CTNNA1: variants seen among roughly 807,000 people sequenced by gnomAD.
The protein encoded by CTNNA1 is catenin alpha-1.
Under a neutral mutation model 98.4 loss-of-function variants are expected in CTNNA1, and 37 were observed. That is an observed-to-expected ratio of 0.38 (90% CI 0.29 to 0.49). The LOEUF is 0.49. Ranked by LOEUF, CTNNA1 falls within the 20% of genes least tolerant of loss-of-function variation. CTNNA1 has a pLI of 0.95. For synonymous variants in CTNNA1, 404 were observed against 413.2 expected, an observed-to-expected ratio of 0.98 and a Z score of 0.27; for missense variants, 761 against 1,147.2, an observed-to-expected ratio of 0.66 and a Z score of 4.86.
chr5:138,803,234 A>C (rs924394559), intron 3 of CTNNA1, among the ~76,000 whole-genome samples: 2 of 151,610 alleles, frequency 1.3e-5, no homozygotes, highest in South Asian at 4.2e-4. Context: ...GCTCACTGCA[A>C]CCTTGGCTTC....
At chr5:138,844,295 C>T (rs1340407904) in intron 7 of CTNNA1, among the ~76,000 whole-genome samples, 2 of 152,078 alleles carry the variant, frequency 1.3e-5, no homozygotes, top group Non-Finnish European at 2.9e-5. Context: ...CGCACCTGGC[C>T]CCAGAGTCAT....
rs540657337 is a variant in CTNNA1 at position 138,768,991 on chromosome 5, C to A, written c.-2-12932C>A. Among the ~76,000 whole-genome samples the A allele has an allele frequency of 2.6e-5, 4 of 152,256 alleles. No individual in the cohort carries two copies. The East Asian group carries it at 5.8e-4, about 22-fold the overall frequency. ...TCGTCAGTCATTGATGAATGAATGA[C>A]TGAATAGGTCATCCAGGATATATAC... On this transcript the variant is annotated intron_variant, in intron 1 of 17. Transcript: ENST00000302763.
intron 7 of CTNNA1, among the ~76,000 whole-genome samples, chr5:138,862,289 C>CA (rs920538909): frequency 2.6e-5 from 4 of 152,164 alleles, no homozygotes; most frequent in African/African-American, 9.7e-5. Context: ...GCCTTGGAAC[C>CA]AAACCTGCCA....
intron 6 of CTNNA1, among the ~76,000 whole-genome samples, chr5:138,826,175 G>C (rs558224668): frequency 6.6e-6 from 1 of 152,178 alleles, no homozygotes; most frequent in African/African-American, 2.4e-5. Flanking sequence ...CAGCTAAAAT[G>C]TGTAGGTTAA....
intron 1 of CTNNA1, among the ~76,000 whole-genome samples, chr5:138,769,640 C>T (rs953959761): frequency 9.9e-5 from 15 of 152,214 alleles, no homozygotes; most frequent in African/African-American, 3.1e-4. Flanking sequence ...TCAAGCGATT[C>T]TCCTGCCTCA....
intron 17 of CTNNA1, 94 bp downstream of exon 17, chr5:138,932,806 T>A: frequency 1.4e-6 from 2 of 1,463,218 alleles, no homozygotes; most frequent in Non-Finnish European, 1.9e-6. Flanking sequence ...ACACCTGCCC[T>A]GGGAAAGTGT....
chr5:138,893,205 A>G (rs1240625886), intron 9 of CTNNA1, among the ~76,000 whole-genome samples: 2 of 152,090 alleles, frequency 1.3e-5, no homozygotes, highest in Non-Finnish European at 2.9e-5. Flanking sequence ...AGGGTAGAGC[A>G]GTGGAGGCTG....
intron 7 of CTNNA1, among the ~76,000 whole-genome samples, chr5:138,853,966 G>C (rs1056771363): frequency 7.9e-5 from 12 of 152,086 alleles, no homozygotes; most frequent in African/African-American, 1.4e-4. Context: ...AATTGTTTAA[G>C]ATCAAAATTC....
chr5:138,788,594 A>C (rs1350457602), intron 3 of CTNNA1, among the ~76,000 whole-genome samples: 1 of 152,154 alleles, frequency 6.6e-6, no homozygotes, highest in African/African-American at 2.4e-5. Context: ...TTCCCCATAC[A>C]TGTACATTTT....
intron 5 of CTNNA1, among the ~76,000 whole-genome samples, chr5:138,815,756 A>G (rs555289659): frequency 6.6e-6 from 1 of 152,000 alleles, no homozygotes; most frequent in African/African-American, 2.4e-5. Flanking sequence ...GTCATGAGTC[A>G]TTTGTAGTTT....
At chr5:138,818,648 G>A (rs1208270752) in intron 5 of CTNNA1, among the ~76,000 whole-genome samples, 1 of 152,184 alleles carries the variant, frequency 6.6e-6, no homozygotes, top group Non-Finnish European at 1.5e-5. Context: ...GGGTGCCTCA[G>A]TTGCCTAGGC....
In CTNNA1 at chr5:138,910,226, C is replaced by CTTTTTTTTT. The variant is rs70982740; in HGVS notation, c.1389+5804_1389+5812dup. Among the ~76,000 whole-genome samples the CTTTTTTTTT allele has an allele frequency of 4.3e-4, 23 of 53,262 alleles. 2 individuals carry two copies. Among genetic ancestry groups the CTTTTTTTTT allele is most frequent in the Admixed American group, 5.9e-4 (2 of 3,402 alleles). The allele number at this position is 53,262 out of a possible 152,430, so 34.9% of individuals were successfully genotyped here. On this transcript the variant is annotated intron_variant, in intron 10 of 17. Transcript: ENST00000302763. ...AAATTGGAAAGTGTTTCCTACTTTT[C>CTTTTTTTTT]TTTTTTTTTTTTTTTTTTTTTTTTT...
At chr5:138,782,299 C>T (rs1273973524) in intron 2 of CTNNA1, 1 of 528,200 alleles carries the variant, frequency 1.9e-6, no homozygotes, top group Admixed American at 2.2e-5. Flanking sequence ...GATACTTCAC[C>T]TTTCTTCAGA....
chr5:138,923,890 AG>A (rs1185918984), intron 11 of CTNNA1, among the ~76,000 whole-genome samples: 1 of 152,234 alleles, frequency 6.6e-6, no homozygotes, highest in Admixed American at 6.5e-5. Context: ...CATAGGAGTC[AG>A]GGGTTTTCAC....
rs1421756170 is a variant in CTNNA1, at chr5:138,795,119, C to T, written c.301+11747C>T. Among the ~76,000 whole-genome samples the T allele has an allele frequency of 2.8e-5, 4 of 145,034 alleles. No individual in the cohort carries two copies. In the East Asian group the frequency reaches 8.1e-4, roughly 29 times the overall value. On this transcript the variant is annotated intron_variant, in intron 3 of 17. Transcript: ENST00000302763. ...AAGCCAAGGTTGCGCCACTGCACAC[C>T]ACCACCACCCTAGGTGAAGGAGTGA...
chr5:138,755,462 G>A (rs1351096998), intron 1 of CTNNA1, among the ~76,000 whole-genome samples: 1 of 151,794 alleles, frequency 6.6e-6, no homozygotes, highest in African/African-American at 2.4e-5. Flanking sequence ...TCTTTTCCTC[G>A]CCCTCACTCT....
At chr5:138,921,045 G>A (rs1225318652) in intron 11 of CTNNA1, among the ~76,000 whole-genome samples, 1 of 152,192 alleles carries the variant, frequency 6.6e-6, no homozygotes, top group Non-Finnish European at 1.5e-5. Context: ...GGGAGGAGGG[G>A]TAGGGTCTCC....
At chr5:138,767,330 C>T (rs1165897867) in intron 1 of CTNNA1, among the ~76,000 whole-genome samples, 1 of 152,188 alleles carries the variant, frequency 6.6e-6, no homozygotes, top group Non-Finnish European at 1.5e-5. Flanking sequence ...GCCACCGCGC[C>T]AGGCTGAATT....
chr5:138,836,109 C>T (rs1761747448), intron 7 of CTNNA1, among the ~76,000 whole-genome samples: 1 of 152,194 alleles, frequency 6.6e-6, no homozygotes. Flanking sequence ...CCTTGGCTTC[C>T]CAAAGTGTTG....
Sources: allele counts gnomAD v4.1 joint callset (sites outside exome capture counted in the v4.1 genomes callset), GRCh38; gene constraint gnomAD v4.1.1; transcripts MANE v1.5; gene names NCBI Gene and HGNC (gene_info 2026-07-23, HGNC 2026-07-21).